RWDD4: variants seen among roughly 807,000 people sequenced by gnomAD.
The protein encoded by RWDD4 is RWD domain-containing protein 4.
RWDD4 carries 16 observed loss-of-function variants against 30.0 expected under a neutral mutation model. The observed-to-expected ratio is 0.53, with a 90% CI of 0.36 to 0.81. The LOEUF is 0.81. Among genes scored for constraint, RWDD4 ranks in the 30% least tolerant of loss-of-function variants. The pLI, the probability that RWDD4 is intolerant of heterozygous loss-of-function variation, is 0.00. For missense variants in RWDD4, 170 were observed against 223.9 expected (o/e 0.76, Z 1.54); for synonymous variants, 45 against 72.1 (o/e 0.62, Z 1.90).
intron 2 of RWDD4, 55 bp from the exon 3 acceptor site, chr4:183,651,382 T>C: frequency 8.1e-7 from 1 of 1,237,668 alleles, no homozygotes. Flanking sequence ...GACAGAAAAC[T>C]AAATTATAAT....
chr4:183,642,264 A>C (rs1157482814), intron 7 of RWDD4, among the ~76,000 whole-genome samples: 1 of 79,718 alleles, frequency 1.3e-5, no homozygotes, highest in Non-Finnish European at 2.2e-5. Context: ...ATCTCGGCTC[A>C]CTGCAAGCTC....
chr4:183,652,903 CTGTAGAGA>C (rs1379402911), intron 2 of RWDD4, among the ~76,000 whole-genome samples: 1 of 151,968 alleles, frequency 6.6e-6, no homozygotes. Flanking sequence ...AAAAAACTTT[CTGTAGAGA>C]CAAGGTCTTC....
intron 7 of RWDD4, among the ~76,000 whole-genome samples, chr4:183,642,851 G>A (rs1200305855): frequency 6.6e-6 from 1 of 151,456 alleles, no homozygotes; most frequent in African/African-American, 2.4e-5. Flanking sequence ...GAGGTCAGGA[G>A]ATTGAGACCA....
At chr4:183,643,229 C>T (rs532418992) in intron 7 of RWDD4, among the ~76,000 whole-genome samples, 47 of 147,542 alleles carry the variant, frequency 3.2e-4, no homozygotes, top group African/African-American at 1.1e-3. Flanking sequence ...GAGTTTGTGA[C>T]CAGCCTGGCC....
chr4:183,658,976 T>C lies in RWDD4; in HGVS notation c.-24A>G. On this transcript the variant is annotated 5_prime_UTR_variant, in exon 1 of 8. Transcript: ENST00000326397. ...ATCGCGCCGGTCGCGGGGCGCCTCC[T>C]GAGCGGACGGCGTTCGCAACAACGA... 2 of 1,272,412 alleles carry C rather than the reference T, an allele frequency of 1.6e-6. No individual in the cohort carries two copies. The highest frequency in any genetic ancestry group is 2.0e-6 in the Non-Finnish European group (2 of 1,010,114). 78.8% of individuals were successfully genotyped at this position (1,272,412 alleles called of 1,614,324 possible).
intron 7 of RWDD4, among the ~76,000 whole-genome samples, chr4:183,643,102 AT>A (rs1733894927): frequency 1.5e-5 from 2 of 135,622 alleles, no homozygotes; most frequent in Non-Finnish European, 1.5e-5. Flanking sequence ...AAATAAATAA[AT>A]AAAATAAAAA....
In RWDD4 at chr4:183,642,401, G is replaced by A. The variant is rs530567536; in HGVS notation, c.535-933C>T. On this transcript the variant is annotated intron_variant, in intron 7 of 7. Transcript: ENST00000326397. ...AGACGGGGTTTCACCGTGTTAGCCA[G>A]GATGGTCTCGATCTCCTGACCTCGT... Among the ~76,000 whole-genome samples, 108 of 85,692 alleles carry A rather than the reference G, an allele frequency of 1.3e-3. 17 individuals carry two copies. In the East Asian group the frequency reaches 0.038, roughly 30 times the overall value. The allele number at this position is 85,692 out of a possible 152,430, so 56.2% of individuals were successfully genotyped here.
chr4:183,648,767 T>C (rs1353291015), intron 5 of RWDD4, among the ~76,000 whole-genome samples: 2 of 152,210 alleles, frequency 1.3e-5, no homozygotes, highest in Non-Finnish European at 2.9e-5. Flanking sequence ...TCTAGACTCA[T>C]TTATAGTTAC....
chr4:183,653,268 T>G (rs1734120555), intron 2 of RWDD4, among the ~76,000 whole-genome samples: 1 of 152,164 alleles, frequency 6.6e-6, no homozygotes, highest in Non-Finnish European at 1.5e-5. Context: ...CTTTTCATTT[T>G]GTAATTAAGG....
intron 4 of RWDD4, among the ~76,000 whole-genome samples, chr4:183,649,903 C>T (rs1356794867): frequency 6.6e-6 from 1 of 151,412 alleles, no homozygotes; most frequent in Non-Finnish European, 1.5e-5. Context: ...TAATTAAAAC[C>T]TTTTTTTTTC....
chr4:183,642,379 C>A lies in RWDD4; in HGVS notation c.535-911G>T, dbSNP rs538430433. On this transcript the variant is annotated intron_variant, in intron 7 of 7. Coordinates refer to ENST00000326397, the MANE Select transcript of RWDD4 (RefSeq NM_152682.4). ...TAATTTTTTGTATTTTTAGTAGAGA[C>A]GGGGTTTCACCGTGTTAGCCAGGAT... Among the ~76,000 whole-genome samples the A allele has an allele frequency of 1.8e-4, 16 of 87,386 alleles. 8 individuals are homozygous for A. The highest frequency in any genetic ancestry group is 8.8e-4 in the African/African-American group (12 of 13,584). 57.3% of individuals were successfully genotyped at this position (87,386 alleles called of 152,430 possible). A position where few individuals can be genotyped will look rare whatever the true frequency, so the allele number is the denominator to read the frequency against.
intron 1 of RWDD4, among the ~76,000 whole-genome samples, chr4:183,657,931 C>G (rs747936161): frequency 2.6e-5 from 4 of 152,220 alleles, no homozygotes; most frequent in African/African-American, 9.6e-5. Context: ...CATCTGTTTT[C>G]TAGCAACCAT....
At chr4:183,652,603 A>G (rs553325877) in intron 2 of RWDD4, among the ~76,000 whole-genome samples, 23 of 152,178 alleles carry the variant, frequency 1.5e-4, no homozygotes, top group Non-Finnish European at 2.8e-4. Context: ...TGAGGTCAAG[A>G]GATCGAGACC....
chr4:183,650,882 T>A, intron 4 of RWDD4, 102 bp downstream of exon 4: 1 of 1,187,114 alleles, frequency 8.4e-7, no homozygotes, highest in Non-Finnish European at 1.2e-6. Context: ...CTTTAACAAG[T>A]CTTCTTCCGA....
At chr4:183,642,962 G>A (rs569189187) in intron 7 of RWDD4, among the ~76,000 whole-genome samples, 8 of 151,714 alleles carry the variant, frequency 5.3e-5, no homozygotes, top group African/African-American at 1.9e-4. Flanking sequence ...GGGAGGCTGA[G>A]GCAGGAGAAT....
chr4:183,649,611 C>T, intron 4 of RWDD4, 43 bp from the exon 5 acceptor site: 1 of 1,072,832 alleles, frequency 9.3e-7, no homozygotes. Context: ...TACCTTACAA[C>T]TTGTGTTACA....
rs1257450863 is a variant in RWDD4, at chr4:183,641,339, T to C, written c.*97A>G. ...GAAACATACAAAAAATTGTGTTTTA[T>C]AAAAAGTCGCCTCAATACCAGAAAA... On this transcript the variant is annotated 3_prime_UTR_variant, in exon 8 of 8. Transcript: ENST00000326397. 6 of 1,008,498 alleles carry C rather than the reference T, an allele frequency of 5.9e-6. No homozygotes were observed. Among genetic ancestry groups the C allele is most frequent in the South Asian group, 1.4e-5 (1 of 71,828 alleles). 62.5% of individuals were successfully genotyped at this position (1,008,498 alleles called of 1,614,324 possible). A position where few individuals can be genotyped will look rare whatever the true frequency, so the allele number is the denominator to read the frequency against.
chr4:183,652,412 G>A (rs1734097846), intron 2 of RWDD4, among the ~76,000 whole-genome samples: 1 of 147,186 alleles, frequency 6.8e-6, no homozygotes, highest in African/African-American at 2.5e-5. Context: ...CCAGGCTGGG[G>A]TCCAGCTGAT....
intron 5 of RWDD4, among the ~76,000 whole-genome samples, chr4:183,648,350 A>G (rs1400610891): frequency 1.3e-5 from 2 of 152,226 alleles, no homozygotes; most frequent in South Asian, 2.1e-4. Flanking sequence ...AGATACATAC[A>G]TAAGTGTAAA....
Sources: gnomAD v4.1 joint callset for allele counts (sites outside exome capture counted in the v4.1 genomes callset) on GRCh38, gnomAD v4.1.1 for gene constraint, MANE v1.5 for transcripts, NCBI Gene and HGNC (gene_info 2026-07-23, HGNC 2026-07-21) for gene names.